Variants in LOC128462377 observed in about 807,000 individuals in gnomAD.
the LOC128462377 span, among the ~76,000 whole-genome samples, chr16:89,330,000 T>C: frequency 7.3e-6 from 1 of 137,766 alleles, no homozygotes; most frequent in South Asian, 2.1e-4. Context: ...GTCTCAAAAA[T>C]AAAATAAAAT....
the LOC128462377 span, among the ~76,000 whole-genome samples, chr16:89,398,744 C>CA: frequency 1.3e-3 from 188 of 144,318 alleles, 1 homozygote; most frequent in African/African-American, 3.7e-3. Flanking sequence ...ATTGTGTGTC[C>CA]AAAAAAAAAA....
chr16:89,376,785 G>GA, the LOC128462377 span, among the ~76,000 whole-genome samples: 290 of 152,186 alleles, frequency 1.9e-3, 1 homozygote, highest in African/African-American at 6.3e-3. Flanking sequence ...CTATTCTGGC[G>GA]AAAAAAATCC....
chr16:89,384,655 A>C, the LOC128462377 span, among the ~76,000 whole-genome samples: 3 of 152,136 alleles, frequency 2.0e-5, no homozygotes, highest in Admixed American at 6.6e-5. Flanking sequence ...TGACGGCTTC[A>C]AAGGAGCTGC....
the LOC128462377 span, among the ~76,000 whole-genome samples, chr16:89,387,545 C>T: frequency 6.6e-6 from 1 of 150,882 alleles, no homozygotes; most frequent in African/African-American, 2.4e-5. Flanking sequence ...TGGTGGCGGG[C>T]GCCTGTACTC....
chr16:89,354,911 G>A, the LOC128462377 span, among the ~76,000 whole-genome samples: 1 of 152,098 alleles, frequency 6.6e-6, no homozygotes, highest in Non-Finnish European at 1.5e-5. Context: ...TGAGTGGCCT[G>A]GAAGCTCGTT....
At chr16:89,403,331 T>C in the LOC128462377 span, among the ~76,000 whole-genome samples, 1 of 152,090 alleles carries the variant, frequency 6.6e-6, no homozygotes. Flanking sequence ...CGGCCCCTCC[T>C]GACTGGCCCC....
chr16:89,328,948 A>C, the LOC128462377 span: 3 of 122,710 alleles, frequency 2.4e-5, no homozygotes, highest in East Asian at 2.5e-4. Flanking sequence ...CATACCCAGG[A>C]GCACGGGCGA....
chr16:89,415,541 G>A, the LOC128462377 span, among the ~76,000 whole-genome samples: 38 of 151,936 alleles, frequency 2.5e-4, no homozygotes, highest in Admixed American at 2.2e-3. Context: ...TGGGATTACA[G>A]GTGTGAGCCA....
At chr16:89,346,994 C>T in the LOC128462377 span, among the ~76,000 whole-genome samples, 76 of 152,282 alleles carry the variant, frequency 5.0e-4, no homozygotes, top group African/African-American at 1.8e-3. Context: ...GAACTGTCTG[C>T]GAAGCAAATG....
At chr16:89,371,408 G>A in the LOC128462377 span, among the ~76,000 whole-genome samples, 3 of 152,236 alleles carry the variant, frequency 2.0e-5, no homozygotes, top group African/African-American at 7.2e-5. Flanking sequence ...TCCCTGCACA[G>A]ACAGGTGTCC....
chr16:89,371,646 G>A, the LOC128462377 span, among the ~76,000 whole-genome samples: 2 of 152,124 alleles, frequency 1.3e-5, no homozygotes, highest in East Asian at 1.9e-4. Flanking sequence ...CCAAGGAGGG[G>A]TGTGGAGGGC....
the LOC128462377 span, among the ~76,000 whole-genome samples, chr16:89,355,051 T>C: frequency 3.3e-5 from 5 of 152,158 alleles, no homozygotes; most frequent in African/African-American, 9.7e-5. Flanking sequence ...CAGAACAACA[T>C]GTTTGCTTTC....
the LOC128462377 span, chr16:89,324,332 C>T: frequency 1.2e-3 from 1,383 of 1,199,452 alleles, 9 homozygotes; most frequent in African/African-American, 0.019. Context: ...GTCGGGGCGA[C>T]GTGGGTGCCT....
At chr16:89,403,123 G>A in the LOC128462377 span, among the ~76,000 whole-genome samples, 2 of 152,188 alleles carry the variant, frequency 1.3e-5, no homozygotes, top group African/African-American at 4.8e-5. Flanking sequence ...CTCTCAGCGT[G>A]ACGTGCCCTC....
At chr16:89,319,334 C>T in the LOC128462377 span, among the ~76,000 whole-genome samples, 1 of 152,230 alleles carries the variant, frequency 6.6e-6, no homozygotes, top group Non-Finnish European at 1.5e-5. Flanking sequence ...AGGCACCTTC[C>T]CCAATGGACC....
the LOC128462377 span, among the ~76,000 whole-genome samples, chr16:89,359,495 T>C: frequency 6.6e-6 from 1 of 152,216 alleles, no homozygotes; most frequent in Non-Finnish European, 1.5e-5. Flanking sequence ...GGGATGCAGA[T>C]GGCAGCACTG....
chr16:89,384,284 A>C, the LOC128462377 span, among the ~76,000 whole-genome samples: 1 of 152,204 alleles, frequency 6.6e-6, no homozygotes, highest in Non-Finnish European at 1.5e-5. Context: ...TAATCCCAGC[A>C]CTTTGGGAGA....
the LOC128462377 span, among the ~76,000 whole-genome samples, chr16:89,341,901 C>T: frequency 7.5e-6 from 1 of 133,126 alleles, no homozygotes; most frequent in Non-Finnish European, 1.5e-5. Flanking sequence ...TGCACCTCCA[C>T]CCACAGCGGC....
chr16:89,365,378 C>T, the LOC128462377 span, among the ~76,000 whole-genome samples: 4 of 152,308 alleles, frequency 2.6e-5, no homozygotes, highest in African/African-American at 9.6e-5. Context: ...GGCTGCAAAG[C>T]ACAGAACACA....
Sources: gnomAD v4.1 joint callset for allele counts (sites outside exome capture counted in the v4.1 genomes callset) on GRCh38, gnomAD v4.1.1 for gene constraint, MANE v1.5 for transcripts.